The following ZCCHC14 variants were observed in gnomAD, a reference collection of about 807,000 sequenced individuals.
The protein encoded by ZCCHC14 is zinc finger CCHC-type containing 14, also known as zinc finger CCHC domain-containing protein 14.
A neutral mutation model predicts 85.0 loss-of-function variants in ZCCHC14; 16 were observed. That is an observed-to-expected ratio of 0.19 (90% CI 0.13 to 0.29). ZCCHC14 has a LOEUF of 0.29. Among genes scored for constraint, ZCCHC14 ranks in the 10% least tolerant of loss-of-function variants. The pLI is 1.00. For missense variants in ZCCHC14, 1,303 were observed against 1,443.5 expected (o/e 0.90, Z 1.58); for synonymous variants, 775 against 630.7 (o/e 1.23, Z -3.43).
Position 87,412,622 on chromosome 16 carries a change from A to G in ZCCHC14, c.2099T>C (p.Leu700Pro). The change falls in exon 12 of 13, where the codon CTG (leucine) becomes CCG (proline). Residue 700 changes from leucine (L) to proline (P), a missense_variant. Transcript: ENST00000671377. ...KSFGSAMMDV[L>P]PASAPHQPVQ... ...AGGCTGGTGGGGTGCGGACGCGGGC[A>G]GCACGTCCATCATGGCGCTGCCAAA... The G allele has an allele frequency of 6.2e-7, 1 of 1,614,218 alleles. No individual in the cohort carries two copies. The highest frequency in any genetic ancestry group is 1.1e-5 in the South Asian group (1 of 91,084).
chr16:87,469,386 G>A (rs760837887), intron 1 of ZCCHC14, among the ~76,000 whole-genome samples: 4 of 152,220 alleles, frequency 2.6e-5, no homozygotes, highest in Non-Finnish European at 4.4e-5. Context: ...GGCCAGTAGG[G>A]AGCAGAATCA....
At position 87,477,286 on chromosome 16, in the gene ZCCHC14, A is replaced by C. The variant is rs191676478; in HGVS notation, c.570+14383T>G. Among the ~76,000 whole-genome samples the C allele has an allele frequency of 2.5e-3, 378 of 152,354 alleles. 2 individuals carry two copies. Among genetic ancestry groups the C allele is most frequent in the South Asian group, 7.7e-3 (37 of 4,832 alleles). On this transcript the variant is annotated intron_variant, in intron 1 of 12. Transcript: ENST00000671377. Reference sequence around the variant, plus strand: ...AAAATATCAGACTGCGGTACTGAGGACTATCAGTTACACACTCTGTGCTGA... The same window carrying C: ...AAAATATCAGACTGCGGTACTGAGGCCTATCAGTTACACACTCTGTGCTGA...
intron 3 of ZCCHC14, among the ~76,000 whole-genome samples, chr16:87,429,588 C>A (rs1442882436): frequency 1.3e-5 from 2 of 152,178 alleles, no homozygotes; most frequent in African/African-American, 4.8e-5. Flanking sequence ...CAAGACCAGT[C>A]TGGGTGACAG....
intron 1 of ZCCHC14, among the ~76,000 whole-genome samples, chr16:87,480,276 G>A (rs1912206393): frequency 6.6e-6 from 1 of 152,034 alleles, no homozygotes; most frequent in Non-Finnish European, 1.5e-5. Context: ...GGTGGTGGGT[G>A]CTTGTAGTTC....
At chr16:87,475,935 T>G (rs1019196325) in intron 1 of ZCCHC14, among the ~76,000 whole-genome samples, 4 of 152,124 alleles carry the variant, frequency 2.6e-5, no homozygotes, top group African/African-American at 9.7e-5. Flanking sequence ...CAATAAACAC[T>G]TGGACACATC....
chr16:87,454,324 T>C (rs1910847628), intron 2 of ZCCHC14, among the ~76,000 whole-genome samples: 1 of 151,898 alleles, frequency 6.6e-6, no homozygotes, highest in Non-Finnish European at 1.5e-5. Flanking sequence ...AGAAATGAAA[T>C]AAAAGAAAAT....
chr16:87,473,850 T>C (rs572836080), intron 1 of ZCCHC14: 2 of 151,884 alleles, frequency 1.3e-5, no homozygotes, highest in South Asian at 4.2e-4. Context: ...AAAACAAGAG[T>C]GCATCCAAGG....
At chr16:87,418,731 C>A in intron 7 of ZCCHC14, 116 bp downstream of exon 7, 2 of 1,056,758 alleles carry the variant, frequency 1.9e-6, no homozygotes, top group Non-Finnish European at 1.4e-6. Flanking sequence ...TTCTCAATAT[C>A]ATCCAAGACT....
At chr16:87,411,096 C>A (rs943079832) in intron 12 of ZCCHC14, among the ~76,000 whole-genome samples, 1 of 152,354 alleles carries the variant, frequency 6.6e-6, no homozygotes, top group Non-Finnish European at 1.5e-5. Context: ...GCCCCCCACA[C>A]CCACAGCCGC....
chr16:87,477,957 A>T (rs927338510), intron 1 of ZCCHC14, among the ~76,000 whole-genome samples: 1 of 151,870 alleles, frequency 6.6e-6, no homozygotes, highest in Non-Finnish European at 1.5e-5. Context: ...GCCTCCACAC[A>T]TCGCTCCCGA....
chr16:87,460,217 T>C (rs970572705), intron 1 of ZCCHC14, 86 bp from the exon 2 acceptor site: 2 of 1,501,036 alleles, frequency 1.3e-6, no homozygotes. Context: ...TCTTTCATAA[T>C]TACCTTGGTT....
Position 87,417,564 on chromosome 16 carries a change from G to A in ZCCHC14, c.1279C>T (p.Leu427=). The part of the protein sequence containing the change: ...TSPAILMPSS[L]QTPQTQEQNG... ...TGCTCCTGGGTCTGAGGGGTCTGCA[G>A]ACTGGAAGGCATGAGGATGGCAGGT... The change falls in exon 8 of 13, where the codon CTG becomes TTG. Residue 427 remains leucine, a synonymous_variant. Transcript: ENST00000671377. 3.1e-6 allele frequency: 5 copies of A among 1,614,280 alleles called. No homozygotes were observed. The Middle Eastern group carries it at 6.6e-4, about 213-fold the overall frequency.
chr16:87,470,373 C>T (rs900265299), intron 1 of ZCCHC14: 1 of 152,046 alleles, frequency 6.6e-6, no homozygotes, highest in Non-Finnish European at 1.5e-5. Context: ...AAGCACATGA[C>T]AGCTTGAATA....
rs544427315 is a variant in ZCCHC14 at position 87,408,317 on chromosome 16, C to A, written c.*1963G>T. ...TAAAATATTTCTTTGCTTAAAAAAA[C>A]CAAAAAATTTAAAAGTTTGGCTTTC... On this transcript the variant is annotated 3_prime_UTR_variant, in exon 13 of 13. Transcript: ENST00000671377. The A allele has an allele frequency of 2.6e-5, 4 of 152,494 alleles. No individual in the cohort carries two copies. The highest frequency in any genetic ancestry group is 4.1e-4 in the South Asian group (2 of 4,826). The allele number at this position is 152,494 out of a possible 1,614,324, so 9.4% of individuals were successfully genotyped here.
chr16:87,432,014 C>T (rs564418103), intron 3 of ZCCHC14, among the ~76,000 whole-genome samples: 1 of 152,348 alleles, frequency 6.6e-6, no homozygotes, highest in African/African-American at 2.4e-5. Context: ...CTTGTCACAA[C>T]ACAGTCTCCC....
intron 2 of ZCCHC14, among the ~76,000 whole-genome samples, chr16:87,454,109 T>A (rs1910838014): frequency 1.3e-5 from 2 of 152,120 alleles, no homozygotes; most frequent in South Asian, 2.1e-4. Context: ...ATGTCCCATC[T>A]GAGGGAGAGA....
chr16:87,414,157 C>T (rs1227732035), intron 10 of ZCCHC14, among the ~76,000 whole-genome samples: 4 of 151,072 alleles, frequency 2.6e-5, no homozygotes, highest in Admixed American at 6.6e-5. Flanking sequence ...GCCCGGCACA[C>T]GGGCCCTCTC....
intron 2 of ZCCHC14, among the ~76,000 whole-genome samples, chr16:87,458,690 C>CCAGGGA (rs1345161227): frequency 6.6e-6 from 1 of 152,128 alleles, no homozygotes; most frequent in Non-Finnish European, 1.5e-5. Context: ...AAGCGCCGTG[C>CCAGGGA]CAGGGACGGG....
In ZCCHC14 at chr16:87,457,925, G is replaced by A. The variant is rs560796129; in HGVS notation, c.694+2083C>T. The stretch of plus-strand genomic sequence containing the variant: ...GTAATTAAGAGCGTCTGCTCGCTGC[G>A]GTATTTTAAGCACTGTGGGGTTTGA... On this transcript the variant is annotated intron_variant, in intron 2 of 12. Transcript: ENST00000671377. 3.9e-5 allele frequency among the ~76,000 whole-genome samples: 6 copies of A among 152,074 alleles called. No homozygotes were observed. The South Asian group carries it at 8.3e-4, about 21-fold the overall frequency.
Sources: gnomAD v4.1 joint callset for allele counts (sites outside exome capture counted in the v4.1 genomes callset) on GRCh38, gnomAD v4.1.1 for gene constraint, MANE v1.5 for transcripts, NCBI Gene and HGNC (gene_info 2026-07-23, HGNC 2026-07-21) for gene names.